The following HIP1 variants were observed in gnomAD, a reference collection of about 807,000 sequenced individuals.
HIP1 encodes huntingtin-interacting protein 1.
A neutral mutation model predicts 147.6 loss-of-function variants in HIP1; 65 were observed. That is an observed-to-expected ratio of 0.44 (90% confidence interval 0.36 to 0.54). The LOEUF is 0.54. Ranked by LOEUF, HIP1 falls within the 20% of genes least tolerant of loss-of-function variation. The pLI, the probability that HIP1 is intolerant of heterozygous loss-of-function variation, is 0.00. For synonymous variants in HIP1, 479 were observed against 504.0 expected, an observed-to-expected ratio of 0.95 and a Z score of 0.67; for missense variants, 1,061 against 1,299.6, an observed-to-expected ratio of 0.82 and a Z score of 2.82.
rs529471958 is a variant in HIP1 at position 75,724,255 on chromosome 7, T to G, written c.120+14546A>C. Among the ~76,000 whole-genome samples, 115 of 139,170 alleles carry G rather than the reference T, an allele frequency of 8.3e-4. 1 individual carries two copies. The highest frequency in any genetic ancestry group is 3.1e-3 in the African/African-American group (111 of 36,382). 91.3% of individuals were successfully genotyped at this position (139,170 alleles called of 152,430 possible). The stretch of plus-strand genomic sequence containing the variant: ...GGCGTGAGCCACCGCGCCCAGCCTA[T>G]TTTTATTTTTTGAGGCTGAGTCTCA... On this transcript the variant is annotated intron_variant, in intron 1 of 30. Coordinates refer to ENST00000336926, the MANE Select transcript of HIP1 (RefSeq NM_005338.7).
Position 75,536,665 on chromosome 7 carries a change from T to C in HIP1, c.*1507A>G, listed in dbSNP as rs1794094947. 4.4e-6 allele frequency: 1 copy of C among 229,190 alleles called. No homozygotes were observed. Among genetic ancestry groups the C allele is most frequent in the East Asian group, 6.2e-5 (1 of 16,018 alleles). 14.2% of individuals were successfully genotyped at this position (229,190 alleles called of 1,614,324 possible). A position where few individuals can be genotyped will look rare whatever the true frequency, so the allele number is the denominator to read the frequency against. ...GCCTGGGGCATGTGGCTGAAAGGAG[T>C]TGGAGCCGCTGGCTCTGTCCTTTCT... On this transcript the variant is annotated 3_prime_UTR_variant, in exon 31 of 31. Coordinates refer to ENST00000336926, the MANE Select transcript of HIP1 (RefSeq NM_005338.7).
rs200698428 is a variant in HIP1 at position 75,558,149 on chromosome 7, A to G, written c.1464+18T>C. ...GGTGCAGGGCCTGCAGGATGGTGACAGGGGCTGAGGGTCTTACCTTCCGCA... is the reference window on the plus strand; with the variant it reads ...GGTGCAGGGCCTGCAGGATGGTGACGGGGGCTGAGGGTCTTACCTTCCGCA... On this transcript the variant is annotated intron_variant, in intron 15 of 30. Coordinates refer to ENST00000336926, the MANE Select transcript of HIP1 (RefSeq NM_005338.7). 1.9e-6 allele frequency: 3 copies of G among 1,606,092 alleles called. No individual in the cohort carries two copies. Among genetic ancestry groups the G allele is most frequent in the Admixed American group, 1.7e-5 (1 of 60,014 alleles).
At chr7:75,738,245 C>T (rs1177125925) in intron 1 of HIP1, among the ~76,000 whole-genome samples, 1 of 151,668 alleles carries the variant, frequency 6.6e-6, no homozygotes, top group Non-Finnish European at 1.5e-5. Flanking sequence ...CCCTTCCGCC[C>T]GGCCTCAGAG....
chr7:75,701,790 C>T (rs1231602087), intron 1 of HIP1, among the ~76,000 whole-genome samples: 3 of 151,952 alleles, frequency 2.0e-5, no homozygotes, highest in Non-Finnish European at 4.4e-5. Flanking sequence ...GAGGTTGAGG[C>T]TGCAGTGAGC....
chr7:75,631,325 A>C (rs1298219880), intron 1 of HIP1, among the ~76,000 whole-genome samples: 2 of 152,136 alleles, frequency 1.3e-5, no homozygotes, highest in Admixed American at 1.3e-4. Flanking sequence ...GTCTGCAGAC[A>C]CCAACCTGCC....
Position 75,558,281 on chromosome 7 carries a change from G to A in HIP1, c.1376-26C>T, listed in dbSNP as rs1189581932. 2.6e-6 allele frequency: 4 copies of A among 1,558,176 alleles called. No homozygotes were observed. The Admixed American group carries it at 6.7e-5, about 26-fold the overall frequency. On this transcript the variant is annotated intron_variant, in intron 14 of 30. Coordinates refer to ENST00000336926, the MANE Select transcript of HIP1 (RefSeq NM_005338.7). ...CTGTATTGTAAAGGACCAAGGTGAG[G>A]AGTCTAACCTAGCAGGGACCCTTGC...
intron 2 of HIP1, among the ~76,000 whole-genome samples, chr7:75,596,235 CAAAAAAAA>C (rs10658504): frequency 1.7e-4 from 10 of 59,602 alleles, no homozygotes; most frequent in South Asian, 7.0e-4. Flanking sequence ...GACCCTGCCT[CAAAAAAAA>C]AAAAAAAAAA....
At chr7:75,567,832 C>T (rs145602143) in intron 9 of HIP1, among the ~76,000 whole-genome samples, 1 of 146,828 alleles carries the variant, frequency 6.8e-6, no homozygotes, top group East Asian at 1.9e-4. Flanking sequence ...TTTTTAGAGA[C>T]AGGGTCTCAC....
intron 1 of HIP1, among the ~76,000 whole-genome samples, chr7:75,677,503 G>T (rs1456688893): frequency 2.0e-5 from 3 of 150,010 alleles, no homozygotes; most frequent in Non-Finnish European, 4.4e-5. Flanking sequence ...CTACTCAGGA[G>T]GTTGAGGCAT....
chr7:75,646,680 G>T (rs1489364026), intron 1 of HIP1, among the ~76,000 whole-genome samples: 3 of 152,230 alleles, frequency 2.0e-5, no homozygotes, highest in Non-Finnish European at 4.4e-5. Flanking sequence ...CACAGCAAGG[G>T]CTGAGATCAC....
intron 1 of HIP1, among the ~76,000 whole-genome samples, chr7:75,717,198 T>C (rs1210623755): frequency 6.6e-6 from 1 of 152,126 alleles, no homozygotes; most frequent in Non-Finnish European, 1.5e-5. Context: ...ATTGATGGAA[T>C]GCCTATGGTA....
intron 1 of HIP1, among the ~76,000 whole-genome samples, chr7:75,616,585 G>T (rs1310254705): frequency 1.0e-5 from 1 of 96,868 alleles, no homozygotes; most frequent in Admixed American, 9.6e-5. Context: ...TTAAGGGTGG[G>T]GAGGAGGAGG....
intron 1 of HIP1, among the ~76,000 whole-genome samples, chr7:75,663,980 A>ATGTGTATATATATACACATATATG (rs1563278101): frequency 1.5e-4 from 2 of 13,410 alleles, no homozygotes; most frequent in Non-Finnish European, 2.5e-4. Context: ...ATACACATAT[A>ATGTGTATATATATACACATATATG]TGTGTATATA....
intron 22 of HIP1, among the ~76,000 whole-genome samples, chr7:75,550,681 G>A (rs751182122): frequency 2.0e-5 from 3 of 152,102 alleles, no homozygotes; most frequent in Non-Finnish European, 4.4e-5. Context: ...CCAAAGTGCT[G>A]GGATTTTCAG....
At chr7:75,648,239 A>C (rs1446928537) in intron 1 of HIP1, among the ~76,000 whole-genome samples, 1 of 151,816 alleles carries the variant, frequency 6.6e-6, no homozygotes, top group Non-Finnish European at 1.5e-5. Context: ...GACTAGTTGG[A>C]GTAGCTGAAG....
chr7:75,734,045 A>G (rs1310721336), intron 1 of HIP1, among the ~76,000 whole-genome samples: 3 of 151,974 alleles, frequency 2.0e-5, no homozygotes, highest in Non-Finnish European at 4.4e-5. Flanking sequence ...CAGGAGTTCG[A>G]GGCCAGCCTG....
chr7:75,652,179 TG>T lies in HIP1; in HGVS notation c.121-52933del, dbSNP rs1156725101. Among the ~76,000 whole-genome samples, 54 of 151,008 alleles carry T rather than the reference TG, an allele frequency of 3.6e-4. No homozygotes were observed. In the East Asian group the frequency reaches 5.9e-3, roughly 16 times the overall value. On this transcript the variant is annotated intron_variant, in intron 1 of 30. Transcript: ENST00000336926. ...AAAAATAACAAAAATTAGCTGGGCA[TG>T]GTGGCGTGTACCTGTAATCCCAGCT...
In HIP1 at chr7:75,562,825, A is replaced by G. The variant is rs148752991; in HGVS notation, c.1020+110T>C. ...GGTTGGTGCTAGGTGAATGAAGAGA[A>G]GCCTGAACCTGGTTAGAGTCAATGG... is the stretch of plus-strand genomic sequence containing the variant. On this transcript the variant is annotated intron_variant, in intron 11 of 30. Coordinates refer to ENST00000336926, the MANE Select transcript of HIP1 (RefSeq NM_005338.7). 8.0e-5 allele frequency: 88 copies of G among 1,099,546 alleles called. No homozygotes were observed. The African/African-American group carries it at 1.2e-3, about 15-fold the overall frequency. 68.1% of individuals were successfully genotyped at this position (1,099,546 alleles called of 1,614,324 possible).
At chr7:75,620,673 G>T (rs1391692661) in intron 1 of HIP1, among the ~76,000 whole-genome samples, 5 of 152,070 alleles carry the variant, frequency 3.3e-5, no homozygotes, top group Admixed American at 2.0e-4. Flanking sequence ...GTGAAAGAGT[G>T]AGGCTCTGTC....
Sources: allele counts gnomAD v4.1 joint callset (sites outside exome capture counted in the v4.1 genomes callset), GRCh38; gene constraint gnomAD v4.1.1; transcripts MANE v1.5; gene names NCBI Gene and HGNC (gene_info 2026-07-23, HGNC 2026-07-21).